The following EPB41L4A variants were observed in gnomAD, a reference collection of about 807,000 sequenced individuals.
EPB41L4A encodes the protein erythrocyte membrane protein band 4.1 like 4A.
Under a neutral mutation model 108.6 loss-of-function variants are expected in EPB41L4A, and 100 were observed. The ratio of observed to expected loss-of-function variants is 0.92; its 90% CI spans 0.78 to 1.09. The LOEUF is 1.09. Ranked by LOEUF, EPB41L4A falls within the 50% of genes least tolerant of loss-of-function variation. The pLI is 0.00. For missense variants in EPB41L4A, 1,030 were observed against 842.7 expected, an observed-to-expected ratio of 1.22 and a Z score of -2.75; for synonymous variants, 319 against 289.0, an observed-to-expected ratio of 1.10 and a Z score of -1.05.
chr5:112,353,994 A>G (rs1185608999), intron 1 of EPB41L4A, among the ~76,000 whole-genome samples: 1 of 152,206 alleles, frequency 6.6e-6, no homozygotes, highest in Non-Finnish European at 1.5e-5. Context: ...TTCCAGACAC[A>G]GGCAACTTTG....
At chr5:112,180,650 T>A (rs1761097973) in intron 18 of EPB41L4A, among the ~76,000 whole-genome samples, 2 of 114,266 alleles carry the variant, frequency 1.8e-5, no homozygotes, top group East Asian at 2.7e-4. Context: ...CAAATACCCC[T>A]TAAGATTAAA....
chr5:112,266,192 T>C (rs1751841717), intron 5 of EPB41L4A, 41 bp downstream of exon 5: 2 of 1,401,054 alleles, frequency 1.4e-6, no homozygotes, highest in East Asian at 2.4e-5. Context: ...AAATACTTTC[T>C]CCAGACATTT....
intron 1 of EPB41L4A, among the ~76,000 whole-genome samples, chr5:112,401,110 T>C (rs1318141604): frequency 6.6e-6 from 1 of 152,192 alleles, no homozygotes; most frequent in Non-Finnish European, 1.5e-5. Flanking sequence ...AAATAGGAAA[T>C]TTCACTGATT....
At chr5:112,154,790 T>C (rs532129188) in intron 12 of EPB41L4A, among the ~76,000 whole-genome samples, 1 of 152,264 alleles carries the variant, frequency 6.6e-6, no homozygotes, top group Non-Finnish European at 1.5e-5. Context: ...ACAGAAAAAG[T>C]AACATCAATA....
intron 9 of EPB41L4A, chr5:112,249,757 G>A (rs1182567956): frequency 6.6e-6 from 1 of 152,228 alleles, no homozygotes; most frequent in East Asian, 1.9e-4. Flanking sequence ...GCTCCCCAAA[G>A]AGCATTTCTT....
At chr5:112,172,827 G>A (rs927220816) in intron 18 of EPB41L4A, among the ~76,000 whole-genome samples, 1 of 152,172 alleles carries the variant, frequency 6.6e-6, no homozygotes, top group South Asian at 2.1e-4. Context: ...TTTCAGGAAG[G>A]TATGATAGTG....
chr5:112,235,205 C>T (rs1210339697), intron 11 of EPB41L4A, among the ~76,000 whole-genome samples: 3 of 152,152 alleles, frequency 2.0e-5, no homozygotes, highest in Non-Finnish European at 4.4e-5. Flanking sequence ...TCTGTCATGG[C>T]ACAATTAGCC....
At chr5:112,274,165 A>C (rs191299017) in intron 4 of EPB41L4A, among the ~76,000 whole-genome samples, 1 of 152,012 alleles carries the variant, frequency 6.6e-6, no homozygotes, top group African/African-American at 2.4e-5. Flanking sequence ...CTGTAGTCCC[A>C]GCTACTCCTG....
chr5:112,298,163 G>A (rs1754129369), intron 2 of EPB41L4A, among the ~76,000 whole-genome samples: 1 of 152,100 alleles, frequency 6.6e-6, no homozygotes, highest in Admixed American at 6.6e-5. Flanking sequence ...GTTCTGTGAA[G>A]AATGATGGTG....
chr5:112,257,702 A>G (rs1471785503), intron 9 of EPB41L4A, among the ~76,000 whole-genome samples: 1 of 152,198 alleles, frequency 6.6e-6, no homozygotes, highest in Non-Finnish European at 1.5e-5. Flanking sequence ...AAAATAACTT[A>G]TAAGGAAAGA....
intron 12 of EPB41L4A, among the ~76,000 whole-genome samples, chr5:112,230,581 A>AT (rs1052610526): frequency 2.0e-5 from 3 of 151,268 alleles, no homozygotes; most frequent in Admixed American, 6.6e-5. Context: ...TGGGTTATTC[A>AT]TTTTTTTTCC....
intron 13 of EPB41L4A, among the ~76,000 whole-genome samples, chr5:112,209,656 CTG>C (rs1364840690): frequency 2.0e-5 from 3 of 152,202 alleles, no homozygotes. Context: ...CACAGACAAT[CTG>C]TGAGTTCACC....
At chr5:112,309,453 C>T (rs181267312) in intron 1 of EPB41L4A, among the ~76,000 whole-genome samples, 2 of 152,224 alleles carry the variant, frequency 1.3e-5, no homozygotes, top group Admixed American at 6.5e-5. Context: ...GACCAGATGA[C>T]GTGGTAGGTG....
intron 6 of EPB41L4A, chr5:112,264,523 G>T (rs1751714001): frequency 6.5e-6 from 1 of 153,502 alleles, no homozygotes; most frequent in Non-Finnish European, 1.4e-5. Context: ...ACAAGATACT[G>T]GTGACTGAAA....
At chr5:112,278,172 C>T (rs1319998296) in intron 3 of EPB41L4A, among the ~76,000 whole-genome samples, 1 of 152,126 alleles carries the variant, frequency 6.6e-6, no homozygotes, top group Non-Finnish European at 1.5e-5. Flanking sequence ...CAAATAATTT[C>T]ATGAGATAAA....
intron 1 of EPB41L4A, among the ~76,000 whole-genome samples, chr5:112,349,602 A>G (rs1476886270): frequency 6.6e-6 from 1 of 152,226 alleles, no homozygotes; most frequent in Non-Finnish European, 1.5e-5. Context: ...TGACACTGTT[A>G]GATGATTTTC....
chr5:112,259,303 A>G lies in EPB41L4A; in HGVS notation c.732-11T>C. ...TTTGTAATCCGAGGCCTAAAAAACAAAGCAGATGGTGTTGCTGCTGTTTTT... is the reference window on the plus strand; with the variant it reads ...TTTGTAATCCGAGGCCTAAAAAACAGAGCAGATGGTGTTGCTGCTGTTTTT... On this transcript the variant is annotated splice_polypyrimidine_tract_variant and intron_variant, in intron 8 of 22. Transcript: ENST00000261486. The G allele has an allele frequency of 6.2e-7, 1 of 1,612,066 alleles. No individual in the cohort carries two copies. Among genetic ancestry groups the G allele is most frequent in the Non-Finnish European group, 8.5e-7 (1 of 1,178,152 alleles).
At chr5:112,268,623 G>T (rs1304191666) in intron 4 of EPB41L4A, among the ~76,000 whole-genome samples, 1 of 152,046 alleles carries the variant, frequency 6.6e-6, no homozygotes, top group Non-Finnish European at 1.5e-5. Flanking sequence ...GCTGTGGAAA[G>T]AGGATTGCTT....
chr5:112,317,178 T>TC (rs1216283237), intron 1 of EPB41L4A, among the ~76,000 whole-genome samples: 1 of 152,234 alleles, frequency 6.6e-6, no homozygotes, highest in Non-Finnish European at 1.5e-5. Context: ...ATCTTTTTTT[T>TC]CTCTCTAAAC....
Sources: gnomAD v4.1 joint callset for allele counts (sites outside exome capture counted in the v4.1 genomes callset) on GRCh38, gnomAD v4.1.1 for gene constraint, MANE v1.5 for transcripts, NCBI Gene and HGNC (gene_info 2026-07-23, HGNC 2026-07-21) for gene names.